The following ARFGAP3 variants were observed in gnomAD, a reference collection of about 807,000 sequenced individuals.
ARFGAP3 encodes ADP-ribosylation factor GTPase-activating protein 3.
Under a neutral mutation model 75.0 loss-of-function variants are expected in ARFGAP3, and 72 were observed. The ratio of observed to expected loss-of-function variants is 0.96; its 90% CI spans 0.79 to 1.17. ARFGAP3 has a LOEUF of 1.17. Among genes scored for constraint, ARFGAP3 ranks in the 50% most tolerant of loss-of-function variants. ARFGAP3 has a pLI of 0.00. For synonymous variants in ARFGAP3, 221 were observed against 217.9 expected (o/e 1.01, Z -0.13); for missense variants, 620 against 626.6 (o/e 0.99, Z 0.11).
At chr22:42,823,820 A>C in intron 7 of ARFGAP3, 118 bp from the exon 8 acceptor site, 2 of 1,206,256 alleles carry the variant, frequency 1.7e-6, no homozygotes, top group Non-Finnish European at 2.2e-6. Flanking sequence ...AACATTTTCC[A>C]CTTTAGTTTC....
intron 12 of ARFGAP3, 44 bp downstream of exon 12, chr22:42,810,761 TCCCAGAAA>T: frequency 6.6e-7 from 1 of 1,523,368 alleles, no homozygotes; most frequent in Admixed American, 1.8e-5. Context: ...AGCAATTTTT[TCCCAGAAA>T]TGCATGGATT....
At chr22:42,838,842 G>A (rs1926652027) in intron 3 of ARFGAP3, among the ~76,000 whole-genome samples, 1 of 152,072 alleles carries the variant, frequency 6.6e-6, no homozygotes, top group South Asian at 2.1e-4. Flanking sequence ...CGGGCGCGGT[G>A]GCTCATGCCT....
intron 9 of ARFGAP3, among the ~76,000 whole-genome samples, chr22:42,821,639 T>C (rs1196507777): frequency 6.6e-6 from 1 of 152,238 alleles, no homozygotes; most frequent in African/African-American, 2.4e-5. Context: ...GGTAGACATT[T>C]AGCTTATTTC....
intron 1 of ARFGAP3, among the ~76,000 whole-genome samples, chr22:42,849,898 C>T (rs999644849): frequency 6.6e-6 from 1 of 152,134 alleles, no homozygotes; most frequent in African/African-American, 2.4e-5. Context: ...AGCACAGAAC[C>T]TGCACATGGT....
chr22:42,810,329 T>G lies in ARFGAP3; in HGVS notation c.1196+484A>C, dbSNP rs530341736. Among the ~76,000 whole-genome samples, 3 of 152,174 alleles carry G rather than the reference T, an allele frequency of 2.0e-5. No homozygotes were observed. The East Asian group carries it at 5.8e-4, about 29-fold the overall frequency. ...AAGTACAAAAATTAGCCTGGCATGA[T>G]GGTGTGCACCGGTAGTCTCAGCTAC... On this transcript the variant is annotated intron_variant, in intron 12 of 15. Transcript: ENST00000263245.
Position 42,857,136 on chromosome 22 carries a change from AGGCGCTTGAAGAT to A in ARFGAP3, c.34_46del (p.Ile12SerfsTer23). 6.6e-7 allele frequency: 1 copy of A among 1,514,978 alleles called. No individual in the cohort carries two copies. Among genetic ancestry groups the A allele is most frequent in the Non-Finnish European group, 8.9e-7 (1 of 1,129,746 alleles). 93.8% of individuals were successfully genotyped at this position (1,514,978 alleles called of 1,614,324 possible). On this transcript the variant is annotated frameshift_variant, in exon 1 of 16. Coordinates refer to ENST00000263245, the MANE Select transcript of ARFGAP3 (RefSeq NM_014570.5). LOFTEE classifies it high-confidence loss of function. ...TACCTTGTTAGTGGGCACCGAGCGG[AGGCGCTTGAAGAT>A]GGTCAAGATGTCCTGCTTGCTGGGG...
At chr22:42,846,002 C>T (rs1200729283) in intron 2 of ARFGAP3, among the ~76,000 whole-genome samples, 2 of 131,922 alleles carry the variant, frequency 1.5e-5, no homozygotes, top group Non-Finnish European at 3.0e-5. Context: ...CGCGCCATTG[C>T]ACTCCAGCTT....
In ARFGAP3 at chr22:42,847,629, A is replaced by G; in HGVS notation, c.73T>C (p.Cys25Arg). ...GGATTTTTGGCACCACAATCAAAAC[A>G]CACCTGAAAAAAAATGTTAAATTCA... The part of the protein sequence containing the change: ...RLRSVPTNKV[C>R]FDCGAKNPSW... The change falls in exon 2 of 16, where the codon TGT becomes CGT. Residue 25 changes from cysteine to arginine, a missense_variant. Transcript: ENST00000263245. 2 of 1,610,464 alleles carry G rather than the reference A, an allele frequency of 1.2e-6. No individual in the cohort carries two copies. The highest frequency in any genetic ancestry group is 1.7e-6 in the Non-Finnish European group (2 of 1,178,568).
intron 3 of ARFGAP3, 80 bp from the exon 4 acceptor site, chr22:42,835,573 G>GAGTGCTGGGATTA: frequency 1.9e-6 from 3 of 1,542,384 alleles, no homozygotes; most frequent in Non-Finnish European, 2.6e-6. Flanking sequence ...TGTAATCCCA[G>GAGTGCTGGGATTA]CACTCTGGGA....
At chr22:42,806,905 C>T (rs1421248603) in intron 14 of ARFGAP3, among the ~76,000 whole-genome samples, 168 bp downstream of exon 14, 3 of 152,218 alleles carry the variant, frequency 2.0e-5, no homozygotes, top group African/African-American at 4.8e-5. Flanking sequence ...GGTCTCCTTA[C>T]GTGTGAAGCC....
Position 42,797,481 on chromosome 22 carries a change from AGCAAAACAATCT to A in ARFGAP3, c.*95_*106del. ...AGAAACATATACCATATGAAAAAGT[AGCAAAACAATCT>A]GCAAAACTATCTGGACTTCACTGCC... is the stretch of plus-strand genomic sequence containing the variant. On this transcript the variant is annotated 3_prime_UTR_variant, in exon 16 of 16. Coordinates refer to ENST00000263245, the MANE Select transcript of ARFGAP3 (RefSeq NM_014570.5). The A allele has an allele frequency of 7.0e-7, 1 of 1,419,646 alleles. No individual in the cohort carries two copies. Among genetic ancestry groups the A allele is most frequent in the South Asian group, 1.2e-5 (1 of 85,232 alleles). 87.9% of individuals were successfully genotyped at this position (1,419,646 alleles called of 1,614,324 possible).
intron 2 of ARFGAP3, chr22:42,847,289 C>T: frequency 2.4e-6 from 1 of 416,366 alleles, no homozygotes; most frequent in Non-Finnish European, 4.3e-6. Context: ...ACTTCAGCCT[C>T]CTGAGTAACT....
At chr22:42,830,196 C>A (rs182251556) in intron 6 of ARFGAP3, among the ~76,000 whole-genome samples, 22 of 152,236 alleles carry the variant, frequency 1.4e-4, no homozygotes, top group Admixed American at 1.2e-3. Flanking sequence ...TAGCTCACTG[C>A]AGTCTCAAAC....
intron 14 of ARFGAP3, among the ~76,000 whole-genome samples, chr22:42,804,717 T>C (rs1320195172): frequency 6.6e-6 from 1 of 152,132 alleles, no homozygotes; most frequent in Non-Finnish European, 1.5e-5. Flanking sequence ...GGTTTCACCA[T>C]GTTAGCCAGG....
intron 1 of ARFGAP3, among the ~76,000 whole-genome samples, chr22:42,849,102 C>A (rs1002440458): frequency 2.0e-4 from 31 of 152,176 alleles, no homozygotes; most frequent in Non-Finnish European, 4.1e-4. Flanking sequence ...AGGAGGCCTG[C>A]CAACCACCAT....
At position 42,831,643 on chromosome 22, in the gene ARFGAP3, C is replaced by T; in HGVS notation, c.478-7G>A. The T allele has an allele frequency of 1.2e-6, 2 of 1,613,784 alleles. No individual in the cohort carries two copies. Among genetic ancestry groups the T allele is most frequent in the African/African-American group, 1.3e-5 (1 of 74,950 alleles). On this transcript the variant is annotated splice_polypyrimidine_tract_variant and splice_region_variant and intron_variant, in intron 5 of 15. Coordinates refer to ENST00000263245, the MANE Select transcript of ARFGAP3 (RefSeq NM_014570.5). Reference sequence around the variant, plus strand: ...CCCACGCTGTGTCACTCACCTGAAACAAGGCGAGAAAAGTCATTAGCAGAC... The same window carrying T: ...CCCACGCTGTGTCACTCACCTGAAATAAGGCGAGAAAAGTCATTAGCAGAC...
intron 13 of ARFGAP3, among the ~76,000 whole-genome samples, chr22:42,808,486 T>C (rs1925224515): frequency 6.6e-6 from 1 of 151,902 alleles, no homozygotes; most frequent in Admixed American, 6.6e-5. Flanking sequence ...ACAATTGAAA[T>C]ATATTCAAAA....
intron 11 of ARFGAP3, 97 bp from the exon 12 acceptor site, chr22:42,811,041 A>G: frequency 6.6e-7 from 1 of 1,512,842 alleles, no homozygotes. Context: ...GCCTCCTTGA[A>G]GTTAATGGCA....
chr22:42,802,997 T>C (rs1453606833), intron 14 of ARFGAP3, among the ~76,000 whole-genome samples: 1 of 151,966 alleles, frequency 6.6e-6, no homozygotes, highest in Admixed American at 6.6e-5. Flanking sequence ...AAGAACAAGT[T>C]TGGGCATTGT....
Sources: allele counts gnomAD v4.1 joint callset (sites outside exome capture counted in the v4.1 genomes callset), GRCh38; gene constraint gnomAD v4.1.1; transcripts MANE v1.5; gene names NCBI Gene and HGNC (gene_info 2026-07-23, HGNC 2026-07-21).